Variants in PCTP observed in about 807,000 individuals in gnomAD.
PCTP encodes phosphatidylcholine transfer protein.
PCTP carries 27 observed loss-of-function variants against 31.0 expected under a neutral mutation model. The ratio of observed to expected loss-of-function variants is 0.87; its 90% CI spans 0.64 to 1.20. The LOEUF is 1.20. Among genes scored for constraint, PCTP ranks in the 50% most tolerant of loss-of-function variants. The pLI is 0.00. For missense variants in PCTP, 287 were observed against 268.2 expected, an observed-to-expected ratio of 1.07 and a Z score of -0.49; for synonymous variants, 108 against 101.2, an observed-to-expected ratio of 1.07 and a Z score of -0.40.
chr17:55,790,161 A>T (rs1024033606), intron 3 of PCTP, among the ~76,000 whole-genome samples: 1 of 152,214 alleles, frequency 6.6e-6, no homozygotes, highest in Non-Finnish European at 1.5e-5. Context: ...TCTCAAAATA[A>T]TAAGAGCTAT....
chr17:55,782,216 G>A (rs1911589653), downstream of PCTP, among the ~76,000 whole-genome samples: 1 of 152,158 alleles, frequency 6.6e-6, no homozygotes, highest in South Asian at 2.1e-4. Context: ...GACTGGATGA[G>A]AACCTCCTAT....
chr17:55,845,751 G>C (rs568771787), downstream of PCTP, among the ~76,000 whole-genome samples: 12 of 151,914 alleles, frequency 7.9e-5, no homozygotes, highest in African/African-American at 2.9e-4. Flanking sequence ...TGTGAGGGCC[G>C]AGCCCCCCCG....
At chr17:55,818,195 A>G (rs536040430) in intron 3 of PCTP, among the ~76,000 whole-genome samples, 1 of 152,340 alleles carries the variant, frequency 6.6e-6, no homozygotes, top group African/African-American at 2.4e-5. Context: ...GGGAAAAAGC[A>G]CAGAAACGGA....
At chr17:55,838,671 G>T (rs143452451) in intron 5 of PCTP, among the ~76,000 whole-genome samples, 9 of 152,288 alleles carry the variant, frequency 5.9e-5, no homozygotes, top group African/African-American at 1.9e-4. Flanking sequence ...CATATCAAAT[G>T]ATGCTTTTTA....
intron 1 of PCTP, among the ~76,000 whole-genome samples, chr17:55,755,848 G>A (rs558758853): frequency 6.6e-6 from 1 of 152,182 alleles, no homozygotes; most frequent in East Asian, 1.9e-4. Context: ...GGCAAAAATG[G>A]GCTTACTTTA....
intron 3 of PCTP, among the ~76,000 whole-genome samples, chr17:55,772,325 C>T (rs1387090811): frequency 3.9e-5 from 6 of 152,122 alleles, no homozygotes; most frequent in East Asian, 3.9e-4. Context: ...GGGTGGCTCA[C>T]GCCTGTAATC....
chr17:55,799,311 C>T (rs1912291343), intron 3 of PCTP, among the ~76,000 whole-genome samples: 1 of 151,416 alleles, frequency 6.6e-6, no homozygotes, highest in South Asian at 2.1e-4. Context: ...AGAAAGATAG[C>T]ATAACCTTTT....
At chr17:55,833,075 G>A (rs1356830216) in intron 5 of PCTP, among the ~76,000 whole-genome samples, 1 of 152,186 alleles carries the variant, frequency 6.6e-6, no homozygotes, top group East Asian at 1.9e-4. Context: ...GACTGAGGTG[G>A]TTAGAGATGG....
chr17:55,754,318 A>T lies in PCTP; in HGVS notation c.141+3074A>T, dbSNP rs76464950. ...ATCCCATGACCCCCTCCTTGGATTCAATTAATTTACTAGAGAGGCTGACAG... is the reference window on the plus strand; with the variant it reads ...ATCCCATGACCCCCTCCTTGGATTCTATTAATTTACTAGAGAGGCTGACAG... On this transcript the variant is annotated intron_variant, in intron 1 of 5. Transcript: ENST00000268896. Among the ~76,000 whole-genome samples the T allele has an allele frequency of 4.4e-3, 671 of 152,298 alleles. 7 individuals carry two copies. Among genetic ancestry groups the T allele is most frequent in the African/African-American group, 0.015 (632 of 41,562 alleles).
intron 5 of PCTP, among the ~76,000 whole-genome samples, chr17:55,834,737 A>AGAG (rs936177831): frequency 2.0e-5 from 3 of 152,180 alleles, no homozygotes; most frequent in African/African-American, 7.2e-5. Context: ...GTAATTAGAA[A>AGAG]GAGTTCTATT....
At chr17:55,825,627 C>T (rs150932527), downstream of PCTP, among the ~76,000 whole-genome samples, 3 of 152,174 alleles carry the variant, frequency 2.0e-5, no homozygotes, top group Admixed American at 6.5e-5. Context: ...TGCATGTATT[C>T]GTATTAAATC....
intron 1 of PCTP, among the ~76,000 whole-genome samples, chr17:55,762,185 G>T (rs924487517): frequency 6.6e-6 from 1 of 152,206 alleles, no homozygotes; most frequent in East Asian, 1.9e-4. Flanking sequence ...GGGACTGTAT[G>T]CTGGCTCAGG....
chr17:55,845,974 C>T (rs1906142241), downstream of PCTP, among the ~76,000 whole-genome samples: 1 of 150,962 alleles, frequency 6.6e-6, no homozygotes, highest in African/African-American at 2.4e-5. Context: ...TCTTGAAATG[C>T]GCCCTGTGTA....
At chr17:55,788,235 A>G (rs1911821833) in intron 3 of PCTP, among the ~76,000 whole-genome samples, 1 of 152,094 alleles carries the variant, frequency 6.6e-6, no homozygotes, top group Non-Finnish European at 1.5e-5. Flanking sequence ...ACCTCTCCAC[A>G]TCCTTTTGTA....
chr17:55,821,164 T>C (rs1206947494), intron 3 of PCTP, among the ~76,000 whole-genome samples: 8 of 152,166 alleles, frequency 5.3e-5, no homozygotes, highest in African/African-American at 1.9e-4. Flanking sequence ...TGACTGATGA[T>C]TGAATAAAAC....
chr17:55,829,449 A>C (rs1905521523), intron 5 of PCTP, among the ~76,000 whole-genome samples: 1 of 152,118 alleles, frequency 6.6e-6, no homozygotes, highest in Non-Finnish European at 1.5e-5. Context: ...CTGGGACTAC[A>C]GGTGAATGCC....
the PCTP span, among the ~76,000 whole-genome samples, chr17:55,850,038 A>G: frequency 1.3e-5 from 2 of 152,192 alleles, no homozygotes; most frequent in East Asian, 3.8e-4. Flanking sequence ...CAAATCATGC[A>G]GAAAAGCCAT....
At chr17:55,783,125 A>G (rs1416778035) in intron 2 of PCTP, among the ~76,000 whole-genome samples, 1 of 152,204 alleles carries the variant, frequency 6.6e-6, no homozygotes, top group African/African-American at 2.4e-5. Context: ...CCAAAGAGGG[A>G]ACACTGAGGA....
chr17:55,792,320 A>T (rs1026456382), intron 3 of PCTP, among the ~76,000 whole-genome samples: 6 of 137,672 alleles, frequency 4.4e-5, no homozygotes, highest in East Asian at 2.0e-4. Context: ...AATAAATAAA[A>T]AAAAGAAAAA....
Sources: allele counts gnomAD v4.1 joint callset (sites outside exome capture counted in the v4.1 genomes callset), GRCh38; gene constraint gnomAD v4.1.1; transcripts MANE v1.5; gene names NCBI Gene and HGNC (gene_info 2026-07-23, HGNC 2026-07-21).